The following HIVEP3 variants were observed in gnomAD, a reference collection of about 807,000 sequenced individuals.
HIVEP3 encodes the protein HIVEP zinc finger 3, also known as transcription factor HIVEP3.
A neutral mutation model predicts 152.8 loss-of-function variants in HIVEP3; 49 were observed. The ratio of observed to expected loss-of-function variants is 0.32; its 90% CI spans 0.26 to 0.41. The LOEUF is 0.41. HIVEP3 is among the 10% of genes least tolerant of loss of function. The pLI is 1.00. For missense variants in HIVEP3, 2,790 were observed against 3,103.3 expected, an observed-to-expected ratio of 0.90 and a Z score of 2.40; for synonymous variants, 1,269 against 1,289.0, an observed-to-expected ratio of 0.98 and a Z score of 0.33.
At chr1:41,615,241 A>C (rs77238557) in intron 3 of HIVEP3, among the ~76,000 whole-genome samples, 2,370 of 152,356 alleles carry the variant, frequency 0.016, 35 homozygotes, top group Non-Finnish European at 0.021. Context: ...TAAATAAATA[A>C]TTTTACCAGT....
intron 4 of HIVEP3, among the ~76,000 whole-genome samples, chr1:41,576,572 G>T (rs1644330805): frequency 6.6e-6 from 1 of 152,172 alleles, no homozygotes; most frequent in Non-Finnish European, 1.5e-5. Context: ...TGTCATTAAG[G>T]TCATGAAAAA....
intron 5 of HIVEP3, among the ~76,000 whole-genome samples, chr1:41,525,663 T>C (rs1177286845): frequency 6.6e-6 from 1 of 152,164 alleles, no homozygotes; most frequent in Non-Finnish European, 1.5e-5. Flanking sequence ...ACCTGCCACA[T>C]CGCTTGGGGT....
At chr1:41,731,681 A>G (rs566603711) in intron 1 of HIVEP3, among the ~76,000 whole-genome samples, 2 of 152,280 alleles carry the variant, frequency 1.3e-5, no homozygotes, top group East Asian at 3.9e-4. Context: ...CCTGCCAACA[A>G]TCAGCTTTGA....
chr1:41,796,406 T>C lies in HIVEP3; in HGVS notation c.-800-95411A>G, dbSNP rs140043540. ...CAGAGAACTATATGAGGACAAAGAA[T>C]AAGGCAGCCTTGCCCAGAGTTCAAA... On this transcript the variant is annotated intron_variant, in intron 1 of 8. Coordinates refer to ENST00000372583, the MANE Select transcript of HIVEP3 (RefSeq NM_024503.5). Among the ~76,000 whole-genome samples the C allele has an allele frequency of 4.4e-3, 676 of 152,342 alleles. 4 individuals are homozygous for C. The highest frequency in any genetic ancestry group is 0.016 in the African/African-American group (647 of 41,586).
At chr1:41,772,762 T>C (rs547422110) in intron 1 of HIVEP3, among the ~76,000 whole-genome samples, 32 of 152,096 alleles carry the variant, frequency 2.1e-4, no homozygotes, top group Non-Finnish European at 3.8e-4. Context: ...ATACAAAAAT[T>C]ACCCGGGTGT....
In HIVEP3 at chr1:41,518,501, G is replaced by C; in HGVS notation, c.5384-13C>G. ...TTAGTCAGATTCCCTAGAAAGAAACGAGAATACTTAGGCTCTGCTATGGGG... is the reference window on the plus strand; with the variant it reads ...TTAGTCAGATTCCCTAGAAAGAAACCAGAATACTTAGGCTCTGCTATGGGG... On this transcript the variant is annotated splice_polypyrimidine_tract_variant and intron_variant, in intron 6 of 8. Transcript: ENST00000372583. 1.2e-6 allele frequency: 2 copies of C among 1,610,600 alleles called. No homozygotes were observed. The highest frequency in any genetic ancestry group is 1.7e-6 in the Non-Finnish European group (2 of 1,176,756).
chr1:41,824,780 TATATAGAGAGAG>T (rs1642733129), intron 1 of HIVEP3, among the ~76,000 whole-genome samples: 6 of 13,598 alleles, frequency 4.4e-4, no homozygotes, highest in South Asian at 3.8e-3. Context: ...TATATATATA[TATATAGAGAGAG>T]AGAGAGAGAG....
At chr1:41,714,111 C>T (rs367757617) in intron 1 of HIVEP3, among the ~76,000 whole-genome samples, 8 of 152,284 alleles carry the variant, frequency 5.3e-5, no homozygotes, top group Admixed American at 4.6e-4. Context: ...TTTATGACTC[C>T]GATGAGCTCA....
chr1:42,029,953 G>A (rs1256466286), intron 1 of HIVEP3, among the ~76,000 whole-genome samples: 1 of 152,226 alleles, frequency 6.6e-6, no homozygotes, highest in African/African-American at 2.4e-5. Context: ...TTCCACCAGT[G>A]GCTGGAATGC....
chr1:41,973,969 G>A lies in HIVEP3; in HGVS notation n.120-55445C>T, dbSNP rs558110299. On this transcript the variant is annotated intron_variant and non_coding_transcript_variant, in intron 1 of 3. Transcript: ENST00000489103. ...GAGGGATGTGGAAACCAGATTATGCGTGCAGGACAGAGGGCATGCAAGGTG... is the reference window on the plus strand; with the variant it reads ...GAGGGATGTGGAAACCAGATTATGCATGCAGGACAGAGGGCATGCAAGGTG... 5.3e-5 allele frequency among the ~76,000 whole-genome samples: 8 copies of A among 152,326 alleles called. No individual in the cohort carries two copies. The East Asian group carries it at 7.7e-4, about 15-fold the overall frequency.
At chr1:41,649,037 T>C (rs932562255) in intron 2 of HIVEP3, among the ~76,000 whole-genome samples, 3 of 152,226 alleles carry the variant, frequency 2.0e-5, no homozygotes, top group East Asian at 1.9e-4. Flanking sequence ...ATAGACCTGC[T>C]TTGGATCATA....
chr1:41,743,205 G>A (rs1281029633), intron 1 of HIVEP3, among the ~76,000 whole-genome samples: 1 of 152,106 alleles, frequency 6.6e-6, no homozygotes, highest in Non-Finnish European at 1.5e-5. Flanking sequence ...ATGCCACACA[G>A]CCTGCACAAC....
intron 2 of HIVEP3, among the ~76,000 whole-genome samples, chr1:41,680,093 G>C (rs1395188357): frequency 6.6e-6 from 1 of 152,222 alleles, no homozygotes; most frequent in Non-Finnish European, 1.5e-5. Flanking sequence ...CCTTCTAAGA[G>C]ACACTGGCTC....
At chr1:41,565,391 C>T (rs1479211269) in intron 5 of HIVEP3, among the ~76,000 whole-genome samples, 2 of 134,242 alleles carry the variant, frequency 1.5e-5, no homozygotes, top group Non-Finnish European at 3.2e-5. Context: ...GAGTGGTGAC[C>T]GGTGGGTGGG....
At chr1:41,811,946 C>T (rs183753232) in intron 1 of HIVEP3, among the ~76,000 whole-genome samples, 81 of 152,104 alleles carry the variant, frequency 5.3e-4, no homozygotes, top group African/African-American at 2.0e-3. Flanking sequence ...CCCAGAGAAG[C>T]CCCCGAGTGC....
chr1:41,901,769 A>T (rs1172973442), intron 1 of HIVEP3, among the ~76,000 whole-genome samples: 1 of 152,164 alleles, frequency 6.6e-6, no homozygotes, highest in Non-Finnish European at 1.5e-5. Context: ...CACACAGCCC[A>T]GGAGGCTGCC....
chr1:41,999,555 T>C (rs1320820342), intron 1 of HIVEP3, among the ~76,000 whole-genome samples: 1 of 152,130 alleles, frequency 6.6e-6, no homozygotes, highest in Non-Finnish European at 1.5e-5. Flanking sequence ...CATGGGTCAC[T>C]TGGACAATTG....
intron 2 of HIVEP3, among the ~76,000 whole-genome samples, chr1:41,665,707 TACACACACACAC>T (rs10530354): frequency 7.8e-6 from 1 of 127,932 alleles, no homozygotes; most frequent in Non-Finnish European, 1.6e-5. Flanking sequence ...GGAAATGTTA[TACACACACACAC>T]ACACACACAC....
chr1:41,813,493 A>AGTC (rs1651087924), intron 1 of HIVEP3, among the ~76,000 whole-genome samples: 1 of 151,874 alleles, frequency 6.6e-6, no homozygotes, highest in Non-Finnish European at 1.5e-5. Context: ...GTGCACCCAC[A>AGTC]TACCGCCTTG....
Sources: allele counts gnomAD v4.1 joint callset (sites outside exome capture counted in the v4.1 genomes callset), GRCh38; gene constraint gnomAD v4.1.1; transcripts MANE v1.5; gene names NCBI Gene and HGNC (gene_info 2026-07-23, HGNC 2026-07-21).